MAN1A2: variants seen among roughly 807,000 people sequenced by gnomAD.
The protein encoded by MAN1A2 is mannosidase alpha class 1A member 2.
Under a neutral mutation model 75.7 loss-of-function variants are expected in MAN1A2, and 26 were observed. That is an observed-to-expected ratio of 0.34 (90% CI 0.25 to 0.48). MAN1A2 has a LOEUF of 0.48. Ranked by LOEUF, MAN1A2 falls within the 20% of genes least tolerant of loss-of-function variation. The pLI, the probability that MAN1A2 is intolerant of heterozygous loss-of-function variation, is 0.99. For missense variants in MAN1A2, 562 were observed against 775.5 expected, an observed-to-expected ratio of 0.72 and a Z score of 3.27; for synonymous variants, 247 against 264.6, an observed-to-expected ratio of 0.93 and a Z score of 0.65.
At position 117,414,771 on chromosome 1, in the gene MAN1A2, A is replaced by T; in HGVS notation, c.714A>T (p.Gly238=). ...CTTTGGATACCCTTTATATCATGGGACTTCATGATGAATTCCTAGATGGGC... is the reference window on the plus strand; with the variant it reads ...CTTTGGATACCCTTTATATCATGGGTCTTCATGATGAATTCCTAGATGGGC... ...VDALDTLYIM[G]LHDEFLDGQR... Residue 238 remains glycine (G), a synonymous_variant, in exon 4 of 13, where the codon GGA becomes GGT. Coordinates refer to ENST00000356554, the MANE Select transcript of MAN1A2 (RefSeq NM_006699.5). The T allele has an allele frequency of 6.2e-7, 1 of 1,610,910 alleles. No homozygotes were observed. Among genetic ancestry groups the T allele is most frequent in the East Asian group, 2.2e-5 (1 of 44,742 alleles).
intron 8 of MAN1A2, among the ~76,000 whole-genome samples, chr1:117,468,388 T>G (rs1239946624): frequency 6.6e-6 from 1 of 152,188 alleles, no homozygotes; most frequent in Non-Finnish European, 1.5e-5. Context: ...CCAAATAAAT[T>G]TTCAGAGCTA....
intron 1 of MAN1A2, among the ~76,000 whole-genome samples, chr1:117,390,859 T>C (rs1653692887): frequency 6.6e-6 from 1 of 152,126 alleles, no homozygotes; most frequent in Non-Finnish European, 1.5e-5. Flanking sequence ...ATGTTTCCAT[T>C]TTCTTTCGGT....
intron 8 of MAN1A2, among the ~76,000 whole-genome samples, chr1:117,487,807 A>G (rs536421282): frequency 1.3e-5 from 2 of 152,184 alleles, no homozygotes; most frequent in African/African-American, 4.8e-5. Context: ...GACTCTCCCT[A>G]TCTACTCTAT....
intron 7 of MAN1A2, among the ~76,000 whole-genome samples, chr1:117,461,163 T>A (rs1389584793): frequency 6.6e-6 from 1 of 152,176 alleles, no homozygotes; most frequent in Non-Finnish European, 1.5e-5. Flanking sequence ...AAAGTATATA[T>A]GTTTCCTACA....
intron 6 of MAN1A2, among the ~76,000 whole-genome samples, chr1:117,448,412 G>A (rs1649306257): frequency 6.6e-6 from 1 of 152,126 alleles, no homozygotes; most frequent in Non-Finnish European, 1.5e-5. Context: ...CATAGAAACA[G>A]ACATGGAAAT....
At chr1:117,500,243 C>T (rs1305056926) in intron 11 of MAN1A2, among the ~76,000 whole-genome samples, 1 of 151,894 alleles carries the variant, frequency 6.6e-6, no homozygotes, top group Non-Finnish European at 1.5e-5. Context: ...AAGACGTGTG[C>T]ACAACTCCCT....
At chr1:117,433,872 C>G (rs1312616192) in intron 5 of MAN1A2, among the ~76,000 whole-genome samples, 1 of 152,200 alleles carries the variant, frequency 6.6e-6, no homozygotes, top group Non-Finnish European at 1.5e-5. Context: ...CTAACTTCCC[C>G]TTACCTAACC....
At chr1:117,459,689 A>C (rs1427851045) in intron 6 of MAN1A2, among the ~76,000 whole-genome samples, 1 of 152,218 alleles carries the variant, frequency 6.6e-6, no homozygotes, top group Non-Finnish European at 1.5e-5. Flanking sequence ...AAAACGCAAG[A>C]GCATATTCTA....
chr1:117,526,880 C>CTCTATATATATATATATATA lies in MAN1A2; in HGVS notation c.*3924_*3925insCTATATATATATATATATAT. 14 of 54,520 alleles carry CTCTATATATATATATATATA rather than the reference C, an allele frequency of 2.6e-4. No homozygotes were observed. The highest frequency in any genetic ancestry group is 4.8e-4 in the Admixed American group (2 of 4,174). 3.4% of individuals were successfully genotyped at this position (54,520 alleles called of 1,614,324 possible). On this transcript the variant is annotated 3_prime_UTR_variant, in exon 13 of 13. Transcript: ENST00000356554. ...TCTCTCTCTCTCTCTCTCTCTCTCT[C>CTCTATATATATATATATATA]TATATATATATATATATATATATAT...
chr1:117,476,042 T>G (rs1315503141), intron 8 of MAN1A2, among the ~76,000 whole-genome samples: 1 of 152,162 alleles, frequency 6.6e-6, no homozygotes, highest in Non-Finnish European at 1.5e-5. Context: ...TCCTGACTTT[T>G]TAATGATCGT....
chr1:117,454,713 A>AT (rs980169219), intron 6 of MAN1A2, among the ~76,000 whole-genome samples: 1 of 152,126 alleles, frequency 6.6e-6, no homozygotes, highest in Admixed American at 6.5e-5. Context: ...TAAAAGGCTT[A>AT]TTTTTTCTGT....
At chr1:117,421,879 C>T (rs896547313) in intron 5 of MAN1A2, among the ~76,000 whole-genome samples, 3 of 151,958 alleles carry the variant, frequency 2.0e-5, no homozygotes, top group Admixed American at 6.6e-5. Context: ...AATGAGGATT[C>T]CAAGCCCTGC....
At chr1:117,466,187 C>T (rs1051741115) in intron 7 of MAN1A2, 147 bp from the exon 8 acceptor site, 2 of 519,200 alleles carry the variant, frequency 3.9e-6, no homozygotes, top group Non-Finnish European at 6.9e-6. Flanking sequence ...GAAGGCTTCC[C>T]TGACTTCCCC....
chr1:117,371,008 G>A (rs995128135), intron 1 of MAN1A2, among the ~76,000 whole-genome samples: 3 of 152,014 alleles, frequency 2.0e-5, no homozygotes, highest in Non-Finnish European at 4.4e-5. Context: ...ACTCTATATT[G>A]TTTCCTTTGT....
intron 4 of MAN1A2, among the ~76,000 whole-genome samples, chr1:117,417,706 A>ACACACACACT (rs1553232820): frequency 2.1e-4 from 30 of 143,594 alleles, no homozygotes; most frequent in Non-Finnish European, 1.8e-4. Flanking sequence ...ACACACACAC[A>ACACACACACT]CTCTCTCTCT....
chr1:117,528,448 C>T lies in MAN1A2; in HGVS notation c.*5491C>T, dbSNP rs141156203. 8 of 152,114 alleles carry T rather than the reference C, an allele frequency of 5.3e-5. No homozygotes were observed. The highest frequency in any genetic ancestry group is 9.6e-5 in the African/African-American group (4 of 41,534). 9.4% of individuals were successfully genotyped at this position (152,114 alleles called of 1,614,324 possible). On this transcript the variant is annotated 3_prime_UTR_variant, in exon 13 of 13. Transcript: ENST00000356554. ...AATGTAAGTGTGGGGATCAAACACA[C>T]ACACCTATACACATACATATTAATA...
chr1:117,513,866 A>AT (rs1447792174), intron 12 of MAN1A2, among the ~76,000 whole-genome samples: 3 of 152,144 alleles, frequency 2.0e-5, no homozygotes, highest in African/African-American at 7.2e-5. Flanking sequence ...TAAGCAAGTT[A>AT]TTCTTGATAT....
At chr1:117,369,755 G>A (rs1369795055) in intron 1 of MAN1A2, among the ~76,000 whole-genome samples, 2 of 152,118 alleles carry the variant, frequency 1.3e-5, no homozygotes, top group African/African-American at 4.8e-5. Flanking sequence ...TGCTTGTTGT[G>A]ACTTTAAGAA....
chr1:117,415,863 A>C (rs1240395387), intron 4 of MAN1A2, among the ~76,000 whole-genome samples: 1 of 152,144 alleles, frequency 6.6e-6, no homozygotes, highest in Non-Finnish European at 1.5e-5. Context: ...ACTGTTCTCT[A>C]AGAAGACTTC....
Sources: gnomAD v4.1 joint callset for allele counts (sites outside exome capture counted in the v4.1 genomes callset) on GRCh38, gnomAD v4.1.1 for gene constraint, MANE v1.5 for transcripts, NCBI Gene and HGNC (gene_info 2026-07-23, HGNC 2026-07-21) for gene names.